KCNQ3: variants seen among roughly 807,000 people sequenced by gnomAD.
KCNQ3 encodes potassium voltage-gated channel subfamily KQT member 3.
In KCNQ3, 30 loss-of-function variants were observed where a neutral mutation model predicts 92.5. The ratio of observed to expected loss-of-function variants is 0.32; its 90% CI spans 0.24 to 0.44. The LOEUF is 0.44. KCNQ3 is among the 20% of genes least tolerant of loss of function. The pLI is 1.00. For missense variants in KCNQ3, 913 were observed against 1,140.3 expected (o/e 0.80, Z 2.87); for synonymous variants, 450 against 468.8 (o/e 0.96, Z 0.52).
At chr8:132,457,689 C>G (rs1055443020) in intron 1 of KCNQ3, among the ~76,000 whole-genome samples, 8 of 152,190 alleles carry the variant, frequency 5.3e-5, no homozygotes, top group African/African-American at 1.4e-4. Context: ...TTTTGACTTT[C>G]AGCCTGTGTA....
intron 1 of KCNQ3, among the ~76,000 whole-genome samples, chr8:132,223,696 G>A (rs560490409): frequency 1.6e-4 from 24 of 152,240 alleles, no homozygotes; most frequent in South Asian, 8.3e-4. Flanking sequence ...TATAGTATGC[G>A]TGGAGTATGG....
At chr8:132,201,054 G>C (rs1218568257) in intron 1 of KCNQ3, among the ~76,000 whole-genome samples, 1 of 152,176 alleles carries the variant, frequency 6.6e-6, no homozygotes, top group Non-Finnish European at 1.5e-5. Context: ...GTGAGCAAGA[G>C]AGTAAGAGGG....
intron 1 of KCNQ3, among the ~76,000 whole-genome samples, chr8:132,445,601 C>A (rs1224980145): frequency 2.0e-5 from 3 of 152,144 alleles, no homozygotes; most frequent in African/African-American, 4.8e-5. Context: ...CTTCCCCAAT[C>A]CTCCAAATCA....
chr8:132,157,358 T>C (rs770425803), intron 9 of KCNQ3, among the ~76,000 whole-genome samples: 9 of 152,208 alleles, frequency 5.9e-5, no homozygotes, highest in Non-Finnish European at 1.2e-4. Flanking sequence ...TTCAGAAGAA[T>C]TTGGAAGAAG....
chr8:132,305,333 C>T (rs1817386146), intron 1 of KCNQ3, among the ~76,000 whole-genome samples: 1 of 152,154 alleles, frequency 6.6e-6, no homozygotes, highest in Non-Finnish European at 1.5e-5. Flanking sequence ...CAGATAAGAC[C>T]ACTGACTGTC....
chr8:132,200,693 G>A (rs1048645628), intron 1 of KCNQ3, among the ~76,000 whole-genome samples: 3 of 152,114 alleles, frequency 2.0e-5, no homozygotes, highest in African/African-American at 7.2e-5. Flanking sequence ...TTAGCTTAGG[G>A]CCTGCAGTTT....
intron 1 of KCNQ3, among the ~76,000 whole-genome samples, chr8:132,451,091 C>A (rs1821808104): frequency 6.6e-6 from 1 of 152,166 alleles, no homozygotes; most frequent in Non-Finnish European, 1.5e-5. Context: ...ATGGGAGGGA[C>A]CCGGTGGGAG....
At chr8:132,465,788 G>A (rs1402529146) in intron 1 of KCNQ3, among the ~76,000 whole-genome samples, 2 of 152,054 alleles carry the variant, frequency 1.3e-5, no homozygotes, top group African/African-American at 2.4e-5. Context: ...GCACCTGCCT[G>A]TGGTCTCAGC....
intron 1 of KCNQ3, among the ~76,000 whole-genome samples, chr8:132,326,018 C>T (rs545810721): frequency 1.4e-4 from 21 of 152,266 alleles, no homozygotes; most frequent in Admixed American, 4.6e-4. Flanking sequence ...GGCAAGTGGC[C>T]ACCCTCAATG....
At chr8:132,310,381 T>C (rs1202067236) in intron 1 of KCNQ3, among the ~76,000 whole-genome samples, 1 of 152,238 alleles carries the variant, frequency 6.6e-6, no homozygotes, top group East Asian at 1.9e-4. Flanking sequence ...ATGAATCTAT[T>C]GACCACAGCT....
intron 10 of KCNQ3, chr8:132,140,708 A>AAAAG (rs1825265073): frequency 3.8e-6 from 1 of 264,112 alleles, no homozygotes; most frequent in African/African-American, 2.2e-5. Flanking sequence ...TTGCATAAGT[A>AAAAG]AAAGAGGCAC....
At chr8:132,261,548 T>TC (rs1171791337) in intron 1 of KCNQ3, among the ~76,000 whole-genome samples, 1 of 152,136 alleles carries the variant, frequency 6.6e-6, no homozygotes, top group African/African-American at 2.4e-5. Context: ...TATGCAGTCT[T>TC]CCCTCGGCTG....
chr8:132,176,906 G>A (rs1472622566), intron 4 of KCNQ3, among the ~76,000 whole-genome samples: 1 of 152,170 alleles, frequency 6.6e-6, no homozygotes, highest in Non-Finnish European at 1.5e-5. Flanking sequence ...ACATTGTACG[G>A]GTGTGAGTTT....
intron 1 of KCNQ3, among the ~76,000 whole-genome samples, chr8:132,348,974 T>C (rs929795218): frequency 6.6e-6 from 1 of 152,226 alleles, no homozygotes; most frequent in Non-Finnish European, 1.5e-5. Context: ...TGAGAAGCTA[T>C]TAATATTCAC....
At chr8:132,167,531 C>G (rs1339116072) in intron 8 of KCNQ3, among the ~76,000 whole-genome samples, 1 of 152,110 alleles carries the variant, frequency 6.6e-6, no homozygotes, top group East Asian at 1.9e-4. Context: ...TAAGAAAACA[C>G]CAGTGTGTCG....
chr8:132,258,351 A>C (rs1291004696), intron 1 of KCNQ3, among the ~76,000 whole-genome samples: 2 of 152,182 alleles, frequency 1.3e-5, no homozygotes, highest in African/African-American at 2.4e-5. Context: ...AATCAAAATT[A>C]GAATTTTGAG....
intron 7 of KCNQ3, among the ~76,000 whole-genome samples, chr8:132,170,735 G>A (rs1011633989): frequency 6.6e-6 from 1 of 151,970 alleles, no homozygotes; most frequent in Non-Finnish European, 1.5e-5. Context: ...ACTAAAGGCC[G>A]GTGCTATGGC....
rs553931640 is a variant in KCNQ3, at chr8:132,380,931, G to GAAAAAAAAAAAAA, written c.386+99203_386+99215dup. Among the ~76,000 whole-genome samples the GAAAAAAAAAAAAA allele has an allele frequency of 3.4e-5, 3 of 87,462 alleles. 1 individual carries two copies. The highest frequency in any genetic ancestry group is 1.2e-4 in the Admixed American group (1 of 8,132). 57.4% of individuals were successfully genotyped at this position (87,462 alleles called of 152,430 possible). On this transcript the variant is annotated intron_variant, in intron 1 of 14. Coordinates refer to ENST00000388996, the MANE Select transcript of KCNQ3 (RefSeq NM_004519.4). ...TTCTACAGAAAAAGAAATGAAAGCA[G>GAAAAAAAAAAAAA]AAAAAAAAAAAAAAAAAAAACAACC...
chr8:132,199,298 G>A (rs1479554099), intron 1 of KCNQ3, among the ~76,000 whole-genome samples: 4 of 152,124 alleles, frequency 2.6e-5, no homozygotes, highest in Non-Finnish European at 5.9e-5. Context: ...ATATAATTTG[G>A]CATTAAGAGC....
Sources: gnomAD v4.1 joint callset for allele counts (sites outside exome capture counted in the v4.1 genomes callset) on GRCh38, gnomAD v4.1.1 for gene constraint, MANE v1.5 for transcripts, NCBI Gene and HGNC (gene_info 2026-07-23, HGNC 2026-07-21) for gene names.